The following CADM2 variants were observed in gnomAD, a reference collection of about 807,000 sequenced individuals.
The protein encoded by CADM2 is immunoglobulin superfamily member 4D.
In CADM2, 12 loss-of-function variants were observed where a neutral mutation model predicts 49.8. The observed-to-expected ratio is 0.24, with a 90% CI of 0.15 to 0.39. The LOEUF is 0.39. CADM2 is among the 10% of genes least tolerant of loss of function. The pLI, the probability that CADM2 is intolerant of heterozygous loss-of-function variation, is 1.00. For synonymous variants in CADM2, 214 were observed against 175.4 expected (o/e 1.22, Z -1.74); for missense variants, 378 against 492.3 (o/e 0.77, Z 2.20).
At chr3:85,157,196 A>T (rs2040158164) in intron 1 of CADM2, among the ~76,000 whole-genome samples, 1 of 152,116 alleles carries the variant, frequency 6.6e-6, no homozygotes, top group South Asian at 2.1e-4. Flanking sequence ...AAGAGGATAC[A>T]AACAAATGGA....
At chr3:85,796,252 T>C (rs2071614946) in intron 2 of CADM2, among the ~76,000 whole-genome samples, 1 of 152,150 alleles carries the variant, frequency 6.6e-6, no homozygotes, top group Admixed American at 6.5e-5. Flanking sequence ...AGAAAAGTGT[T>C]TTGAAACCAT....
intron 1 of CADM2, among the ~76,000 whole-genome samples, chr3:85,053,415 G>T (rs777636723): frequency 6.6e-6 from 1 of 152,046 alleles, no homozygotes; most frequent in Admixed American, 6.5e-5. Flanking sequence ...CCAAGAATTT[G>T]AAGGAAATAA....
chr3:85,047,717 T>A (rs1232045879), intron 1 of CADM2, among the ~76,000 whole-genome samples: 4 of 152,188 alleles, frequency 2.6e-5, no homozygotes, highest in Admixed American at 6.6e-5. Context: ...TCCAATGGTC[T>A]ACTTGAACTC....
chr3:85,487,720 A>G (rs2039484717), intron 1 of CADM2, among the ~76,000 whole-genome samples: 2 of 151,454 alleles, frequency 1.3e-5, no homozygotes, highest in African/African-American at 4.9e-5. Context: ...CAAGAAATAA[A>G]CCTCTGTGTG....
At chr3:86,012,406 C>T (rs1731620333) in intron 8 of CADM2, among the ~76,000 whole-genome samples, 1 of 152,164 alleles carries the variant, frequency 6.6e-6, no homozygotes, top group Non-Finnish European at 1.5e-5. Flanking sequence ...CAATAAATTA[C>T]AATAAAGTTG....
chr3:85,762,161 C>T (rs1455453485), intron 2 of CADM2, among the ~76,000 whole-genome samples: 1 of 152,066 alleles, frequency 6.6e-6, no homozygotes, highest in African/African-American at 2.4e-5. Context: ...ACAGTGCAAT[C>T]AGAAACCCCC....
At position 85,633,824 on chromosome 3, in the gene CADM2, A is replaced by G. The variant is rs2064380962; in HGVS notation, c.62-92698A>G. 2.0e-5 allele frequency among the ~76,000 whole-genome samples: 3 copies of G among 152,096 alleles called. No homozygotes were observed. The South Asian group carries it at 6.2e-4, about 31-fold the overall frequency. On this transcript the variant is annotated intron_variant, in intron 1 of 9. Coordinates refer to ENST00000383699, the MANE Select transcript of CADM2 (RefSeq NM_001167675.2). Reference sequence around the variant, plus strand: ...AAAAAGTGGAAATATTTTCAAATGTATTTAAATTCAATTTTGTATAATATA... The same window carrying G: ...AAAAAGTGGAAATATTTTCAAATGTGTTTAAATTCAATTTTGTATAATATA...
At chr3:85,229,220 GC>G (rs1425234709) in intron 1 of CADM2, among the ~76,000 whole-genome samples, 2 of 152,204 alleles carry the variant, frequency 1.3e-5, no homozygotes, top group Admixed American at 6.5e-5. Context: ...AGGACTTCAA[GC>G]CAATGGATCT....
chr3:85,959,367 G>T (rs957047245), intron 7 of CADM2, among the ~76,000 whole-genome samples: 1 of 151,752 alleles, frequency 6.6e-6, no homozygotes, highest in African/African-American at 2.4e-5. Context: ...AGGCATAATT[G>T]GTTATATCAG....
At chr3:84,993,787 C>A (rs1274130995) in intron 1 of CADM2, among the ~76,000 whole-genome samples, 1 of 152,036 alleles carries the variant, frequency 6.6e-6, no homozygotes, top group African/African-American at 2.4e-5. Context: ...GCACTATGAC[C>A]TTTTTTCCTA....
chr3:85,629,760 G>A (rs185532640), intron 1 of CADM2, among the ~76,000 whole-genome samples: 1 of 152,112 alleles, frequency 6.6e-6, no homozygotes, highest in Non-Finnish European at 1.5e-5. Flanking sequence ...AACAAAGTTT[G>A]CCACTTTATG....
intron 1 of CADM2, among the ~76,000 whole-genome samples, chr3:85,075,754 G>A (rs1239405936): frequency 6.6e-6 from 1 of 151,878 alleles, no homozygotes; most frequent in Non-Finnish European, 1.5e-5. Flanking sequence ...TATTTCTCTG[G>A]GGCAAAATGT....
intron 1 of CADM2, among the ~76,000 whole-genome samples, chr3:85,568,999 G>A (rs2062399566): frequency 6.6e-6 from 1 of 151,984 alleles, no homozygotes; most frequent in African/African-American, 2.4e-5. Context: ...ACATCCAGTT[G>A]CCACCCCATG....
chr3:85,179,825 T>C lies in CADM2; in HGVS notation c.61+220157T>C, dbSNP rs554641354. Among the ~76,000 whole-genome samples the C allele has an allele frequency of 1.9e-4, 29 of 152,268 alleles. No homozygotes were observed. In the South Asian group the frequency reaches 6.0e-3, roughly 32 times the overall value. ...GAAGCCAACCTTTTTAATATTTATG[T>C]TTACATTATCTTTTTCATTTAATAG... is the stretch of plus-strand genomic sequence containing the variant. On this transcript the variant is annotated intron_variant, in intron 1 of 9. Transcript: ENST00000383699.
chr3:85,353,269 A>G (rs2031528370), intron 1 of CADM2, among the ~76,000 whole-genome samples: 1 of 152,094 alleles, frequency 6.6e-6, no homozygotes, highest in Non-Finnish European at 1.5e-5. Context: ...AATCCATTCT[A>G]TTAGAGCACT....
intron 3 of CADM2, among the ~76,000 whole-genome samples, chr3:85,874,568 C>T (rs1230396592): frequency 6.6e-6 from 1 of 151,770 alleles, no homozygotes; most frequent in Non-Finnish European, 1.5e-5. Context: ...ATGAGGAGAC[C>T]AATATATTGT....
intron 2 of CADM2, among the ~76,000 whole-genome samples, chr3:85,799,763 T>A (rs541040760): frequency 2.6e-5 from 4 of 152,304 alleles, no homozygotes; most frequent in African/African-American, 7.2e-5. Context: ...AGAAGCTTCA[T>A]CCCAGAGTGG....
chr3:85,884,726 C>CTTT (rs954806418), intron 4 of CADM2, among the ~76,000 whole-genome samples: 3 of 138,326 alleles, frequency 2.2e-5, no homozygotes, highest in East Asian at 2.1e-4. Context: ...TATTCTTCTT[C>CTTT]TTTTTTTTTT....
chr3:85,321,326 C>G (rs1312077585), intron 1 of CADM2, among the ~76,000 whole-genome samples: 1 of 149,800 alleles, frequency 6.7e-6, no homozygotes, highest in Middle Eastern at 3.4e-3. Flanking sequence ...GGATGCACCA[C>G]TGTGTCTAAT....
Sources: gnomAD v4.1 joint callset for allele counts (sites outside exome capture counted in the v4.1 genomes callset) on GRCh38, gnomAD v4.1.1 for gene constraint, MANE v1.5 for transcripts, NCBI Gene and HGNC (gene_info 2026-07-23, HGNC 2026-07-21) for gene names.